The following ANTXR1 variants were observed in gnomAD, a reference collection of about 807,000 sequenced individuals.
ANTXR1 encodes anthrax toxin receptor 1.
A neutral mutation model predicts 78.1 loss-of-function variants in ANTXR1; 19 were observed. The ratio of observed to expected loss-of-function variants is 0.24; its 90% CI spans 0.17 to 0.36. ANTXR1 has a LOEUF of 0.36. ANTXR1 is among the 10% of genes least tolerant of loss of function. The pLI, the probability that ANTXR1 is intolerant of heterozygous loss-of-function variation, is 1.00. For synonymous variants in ANTXR1, 273 were observed against 260.5 expected (o/e 1.05, Z -0.46); for missense variants, 518 against 718.6 (o/e 0.72, Z 3.19).
chr2:69,203,757 T>C (rs1674830436), intron 17 of ANTXR1, among the ~76,000 whole-genome samples: 1 of 151,208 alleles, frequency 6.6e-6, no homozygotes, highest in African/African-American at 2.4e-5. Flanking sequence ...ATTATCACCA[T>C]CATCATCATC....
At position 69,123,058 on chromosome 2, in the gene ANTXR1, C is replaced by G; in HGVS notation, c.844C>G (p.Pro282Ala). The change falls in exon 11 of 18, where the codon CCA (proline) becomes GCA (alanine). Residue 282 changes from proline (P) to alanine (A), a missense_variant. By Grantham distance (27) the Pro-to-Ala change is conservative (BLOSUM62 -1). This residue lies in a region of ANTXR1 where 264 missense variants were observed against 391.8 expected (regional missense o/e 0.67). Transcript: ENST00000303714. ...TGTGGAAGATACTTATTTACTGTGT[C>G]CAGCGCCTATCTTAAAAGAAGTTGG... The part of the protein sequence containing the change: ...FSVEDTYLLC[P>A]APILKEVGMK... The G allele has an allele frequency of 6.2e-7, 1 of 1,614,112 alleles. No individual in the cohort carries two copies. Among genetic ancestry groups the G allele is most frequent in the Non-Finnish European group, 8.5e-7 (1 of 1,180,028 alleles).
intron 3 of ANTXR1, among the ~76,000 whole-genome samples, chr2:69,064,254 C>T (rs2104177335): frequency 6.6e-6 from 1 of 152,254 alleles, no homozygotes; most frequent in South Asian, 2.1e-4. Flanking sequence ...CTTATTTATG[C>T]AGCTTATATA....
At position 69,124,608 on chromosome 2, in the gene ANTXR1, A is replaced by G. The variant is rs765038884; in HGVS notation, c.916A>G (p.Ile306Val). 8.7e-6 allele frequency: 14 copies of G among 1,614,072 alleles called. No homozygotes were observed. The highest frequency in any genetic ancestry group is 1.6e-4 in the Middle Eastern group (1 of 6,084). The stretch of plus-strand genomic sequence containing the variant: ...CAGCATGAACGATGGCCTCTCTTTT[A>G]TCTCCAGTTCTGTCATCATCACCAC... ...QVSMNDGLSF[I>V]SSSVIITTTH... The change falls in exon 12 of 18, where the codon ATC becomes GTC. Residue 306 changes from isoleucine to valine, a missense_variant. Ile to Val is a conservative substitution (Grantham distance 29). Coordinates refer to ENST00000303714, the MANE Select transcript of ANTXR1 (RefSeq NM_032208.3).
chr2:69,064,920 T>G (rs570118775), intron 3 of ANTXR1, among the ~76,000 whole-genome samples: 32 of 151,822 alleles, frequency 2.1e-4, no homozygotes, highest in Non-Finnish European at 4.0e-4. Context: ...AGTGTTTTTC[T>G]TAGAAAAGAA....
intron 6 of ANTXR1, among the ~76,000 whole-genome samples, chr2:69,075,056 A>AT (rs1670687286): frequency 1.5e-5 from 1 of 66,204 alleles, no homozygotes; most frequent in African/African-American, 1.7e-4. Flanking sequence ...TTCTGTAGGA[A>AT]TGAAAGGGCT....
At chr2:69,022,736 A>G (rs1671229440) in intron 1 of ANTXR1, among the ~76,000 whole-genome samples, 1 of 152,224 alleles carries the variant, frequency 6.6e-6, no homozygotes, top group Non-Finnish European at 1.5e-5. Flanking sequence ...GAAGACAAGA[A>G]AAGTTGCCCC....
intron 12 of ANTXR1, chr2:69,134,899 G>C: frequency 4.7e-6 from 1 of 211,234 alleles, no homozygotes; most frequent in Non-Finnish European, 1.0e-5. Context: ...CTATTTATTA[G>C]CCAGTCTCCA....
intron 14 of ANTXR1, among the ~76,000 whole-genome samples, chr2:69,175,028 C>T (rs1674083101): frequency 6.6e-6 from 1 of 152,208 alleles, no homozygotes; most frequent in African/African-American, 2.4e-5. Context: ...TCACTGGTCC[C>T]TGAAGACAAT....
intron 12 of ANTXR1, among the ~76,000 whole-genome samples, chr2:69,137,275 C>T (rs763259115): frequency 6.6e-6 from 1 of 152,160 alleles, no homozygotes; most frequent in Non-Finnish European, 1.5e-5. Flanking sequence ...CTCCCCTCTG[C>T]ACTTCTAATT....
At chr2:69,091,445 C>CAA (rs60795933) in intron 9 of ANTXR1, among the ~76,000 whole-genome samples, 64 of 62,330 alleles carry the variant, frequency 1.0e-3, no homozygotes, top group African/African-American at 2.7e-3. Flanking sequence ...GACACCATCT[C>CAA]AAAAAAAAAA....
chr2:69,115,063 G>A (rs890340479), intron 10 of ANTXR1, among the ~76,000 whole-genome samples: 2 of 152,254 alleles, frequency 1.3e-5, no homozygotes, highest in East Asian at 3.9e-4. Context: ...GCTGGGGAGT[G>A]GGGAGGGGCC....
intron 9 of ANTXR1, among the ~76,000 whole-genome samples, chr2:69,097,159 C>T (rs1671456548): frequency 6.6e-6 from 1 of 152,246 alleles, no homozygotes; most frequent in Non-Finnish European, 1.5e-5. Flanking sequence ...TGCCTGAGCA[C>T]AGTCTTTCTG....
intron 3 of ANTXR1, among the ~76,000 whole-genome samples, chr2:69,045,602 AG>A (rs964073046): frequency 7.2e-4 from 109 of 152,162 alleles, no homozygotes; most frequent in African/African-American, 2.2e-4. Context: ...GGGCCAGTAC[AG>A]GGGGGGCAGG....
chr2:69,038,805 T>A (rs1669526812), intron 1 of ANTXR1, among the ~76,000 whole-genome samples: 2 of 152,142 alleles, frequency 1.3e-5, no homozygotes, highest in Admixed American at 1.3e-4. Context: ...GTACCACTTT[T>A]TCAGGTCAGA....
chr2:69,176,095 A>G (rs1057130303), intron 14 of ANTXR1, among the ~76,000 whole-genome samples: 18 of 149,606 alleles, frequency 1.2e-4, no homozygotes, highest in African/African-American at 4.2e-4. Context: ...ACACACACAT[A>G]CACACACACA....
chr2:69,085,436 C>T (rs572085745), intron 8 of ANTXR1, among the ~76,000 whole-genome samples: 2 of 152,060 alleles, frequency 1.3e-5, no homozygotes, highest in East Asian at 1.9e-4. Flanking sequence ...CTTAATCAGA[C>T]GAGGGGAGTA....
chr2:69,233,198 TACG>T (rs1420487545), intron 17 of ANTXR1, among the ~76,000 whole-genome samples: 3 of 152,126 alleles, frequency 2.0e-5, no homozygotes, highest in African/African-American at 4.8e-5. Flanking sequence ...GTACTTGTTA[TACG>T]ACAAGTAATT....
In ANTXR1 at chr2:69,042,892, T is replaced by C. The variant is rs528491446; in HGVS notation, c.225-1850T>C. On this transcript the variant is annotated intron_variant, in intron 2 of 17. Transcript: ENST00000303714. Reference sequence around the variant, plus strand: ...TTGAAACTCTTTCCTCCACTGGCTCTCATTCTGCTTCCATCTCACTGGCCT... The same window carrying C: ...TTGAAACTCTTTCCTCCACTGGCTCCCATTCTGCTTCCATCTCACTGGCCT... 7.9e-5 allele frequency among the ~76,000 whole-genome samples: 12 copies of C among 152,302 alleles called. No homozygotes were observed. In the South Asian group the frequency reaches 2.5e-3, roughly 32 times the overall value.
At chr2:69,130,543 C>A (rs1286615196) in intron 12 of ANTXR1, among the ~76,000 whole-genome samples, 2 of 152,176 alleles carry the variant, frequency 1.3e-5, no homozygotes, top group East Asian at 3.8e-4. Context: ...ATTTCACATC[C>A]CAGCCCCTTG....
Sources: gnomAD v4.1 joint callset for allele counts (sites outside exome capture counted in the v4.1 genomes callset) on GRCh38, gnomAD v4.1.1 for gene constraint, gnomAD v4.1.1 regional missense constraint, MANE v1.5 for transcripts, NCBI Gene and HGNC (gene_info 2026-07-23, HGNC 2026-07-21) for gene names.